The following RBFOX1 variants were observed in gnomAD, a reference collection of about 807,000 sequenced individuals.
The protein encoded by RBFOX1 is RNA binding protein fox-1 homolog 1.
In RBFOX1, 8 loss-of-function variants were observed where a neutral mutation model predicts 57.7. That is an observed-to-expected ratio of 0.14 (90% CI 0.08 to 0.25). RBFOX1 has a LOEUF of 0.25. Ranked by LOEUF, RBFOX1 falls within the 10% of genes least tolerant of loss-of-function variation. The pLI is 1.00. For synonymous variants in RBFOX1, 326 were observed against 222.4 expected, an observed-to-expected ratio of 1.47 and a Z score of -4.15; for missense variants, 611 against 548.5, an observed-to-expected ratio of 1.11 and a Z score of -1.14.
chr16:6,914,258 G>A (rs149739538), intron 3 of RBFOX1, among the ~76,000 whole-genome samples: 432 of 152,252 alleles, frequency 2.8e-3, no homozygotes, highest in Middle Eastern at 0.014. Context: ...ATTGCAGTAC[G>A]AAAGCAAAAG....
At chr16:7,666,673 G>A (rs2145799024) in intron 13 of RBFOX1, among the ~76,000 whole-genome samples, 1 of 152,246 alleles carries the variant, frequency 6.6e-6, no homozygotes, top group Non-Finnish European at 1.5e-5. Context: ...TATCGATTGG[G>A]GCATATCGCT....
intron 4 of RBFOX1, among the ~76,000 whole-genome samples, chr16:5,906,727 C>CA: frequency 1.4e-5 from 1 of 71,484 alleles, no homozygotes; most frequent in African/African-American, 5.4e-5. Context: ...ATCCTAGATT[C>CA]TTTTTTTTTT....
chr16:7,592,102 C>T (rs1046551245), intron 7 of RBFOX1, among the ~76,000 whole-genome samples: 7 of 152,086 alleles, frequency 4.6e-5, no homozygotes, highest in African/African-American at 1.4e-4. Context: ...GTCTGTCTGG[C>T]ATTTTGAGGA....
At chr16:6,150,429 C>T (rs539071974) in intron 1 of RBFOX1, among the ~76,000 whole-genome samples, 2 of 151,952 alleles carry the variant, frequency 1.3e-5, no homozygotes, top group African/African-American at 4.8e-5. Context: ...AGAAGTGGAG[C>T]TCTACTTCTG....
intron 4 of RBFOX1, among the ~76,000 whole-genome samples, chr16:5,969,225 G>T (rs1250423805): frequency 6.7e-6 from 1 of 150,092 alleles, no homozygotes; most frequent in African/African-American, 2.4e-5. Flanking sequence ...TATCTGTAGA[G>T]ATTTTAGTCT....
At chr16:6,435,243 G>T (rs1277266630) in intron 2 of RBFOX1, among the ~76,000 whole-genome samples, 1 of 152,146 alleles carries the variant, frequency 6.6e-6, no homozygotes, top group Non-Finnish European at 1.5e-5. Flanking sequence ...TTGTGTAACA[G>T]ATGTTTTGTG....
chr16:7,348,108 A>G (rs2097053557), intron 4 of RBFOX1, among the ~76,000 whole-genome samples: 1 of 152,246 alleles, frequency 6.6e-6, no homozygotes, highest in Admixed American at 6.5e-5. Context: ...ATTGTTGCTT[A>G]CTTTTCTTAC....
chr16:6,146,287 A>C (rs140161642), intron 1 of RBFOX1, among the ~76,000 whole-genome samples: 1 of 152,158 alleles, frequency 6.6e-6, no homozygotes, highest in East Asian at 1.9e-4. Flanking sequence ...TTTAAAATAC[A>C]CTGAAGAAAA....
At chr16:6,894,744 C>G (rs1323976143) in intron 3 of RBFOX1, among the ~76,000 whole-genome samples, 2 of 152,148 alleles carry the variant, frequency 1.3e-5, no homozygotes, top group African/African-American at 4.8e-5. Context: ...CAGATTGTAT[C>G]AGTTTAGTTC....
chr16:6,923,708 T>G (rs1160576224), intron 3 of RBFOX1, among the ~76,000 whole-genome samples: 1 of 152,088 alleles, frequency 6.6e-6, no homozygotes, highest in East Asian at 1.9e-4. Flanking sequence ...TTCTAGCCTT[T>G]AAAGCAGTAG....
chr16:6,604,459 T>C (rs1269475490), intron 2 of RBFOX1, among the ~76,000 whole-genome samples: 4 of 152,172 alleles, frequency 2.6e-5, no homozygotes, highest in Admixed American at 1.3e-4. Context: ...ATTCTTGTTA[T>C]ATAAGAAAGT....
At chr16:7,150,554 C>T (rs1414363592) in intron 4 of RBFOX1, among the ~76,000 whole-genome samples, 1 of 152,168 alleles carries the variant, frequency 6.6e-6, no homozygotes, top group Non-Finnish European at 1.5e-5. Flanking sequence ...GTGATCAACT[C>T]TTAACAGATA....
intron 4 of RBFOX1, among the ~76,000 whole-genome samples, chr16:7,068,796 C>T (rs1207642569): frequency 6.6e-6 from 1 of 152,132 alleles, no homozygotes; most frequent in Non-Finnish European, 1.5e-5. Flanking sequence ...ACCATGTTGG[C>T]CAGGCTGGTC....
At chr16:6,555,227 A>G (rs1188737131) in intron 2 of RBFOX1, among the ~76,000 whole-genome samples, 7 of 152,194 alleles carry the variant, frequency 4.6e-5, no homozygotes, top group Non-Finnish European at 1.0e-4. Flanking sequence ...CATATCAGGT[A>G]AGATCCAAGT....
intron 4 of RBFOX1, among the ~76,000 whole-genome samples, chr16:7,321,966 C>A (rs1290498108): frequency 2.6e-5 from 4 of 152,212 alleles, no homozygotes; most frequent in African/African-American, 9.6e-5. Context: ...CAGCTTGGCA[C>A]AGCTTGGTTC....
intron 3 of RBFOX1, among the ~76,000 whole-genome samples, chr16:7,024,999 G>C (rs1410960668): frequency 6.6e-6 from 1 of 152,158 alleles, no homozygotes; most frequent in Non-Finnish European, 1.5e-5. Context: ...AACTGTTACA[G>C]GCAAGGGGCT....
chr16:5,661,569 G>A (rs1384683274), intron 3 of RBFOX1, among the ~76,000 whole-genome samples: 1 of 152,194 alleles, frequency 6.6e-6, no homozygotes, highest in African/African-American at 2.4e-5. Flanking sequence ...GACAAAACTT[G>A]TATATGTTTA....
At position 5,312,154 on chromosome 16, in the gene RBFOX1, G is replaced by A. The variant is rs142944211; in HGVS notation, c.219+72049G>A. Among the ~76,000 whole-genome samples the A allele has an allele frequency of 8.6e-4, 131 of 152,260 alleles. 3 individuals carry two copies. The East Asian group carries it at 0.024, about 27-fold the overall frequency. ...GGTAGACTTTACTAACATGGAATGC[G>A]TGTTTGGGACACTCTGGTCATATAT... On this transcript the variant is annotated intron_variant, in intron 1 of 2. Transcript: ENST00000585867.
At chr16:6,429,548 T>A (rs1157088942) in intron 2 of RBFOX1, among the ~76,000 whole-genome samples, 1 of 152,204 alleles carries the variant, frequency 6.6e-6, no homozygotes, top group Non-Finnish European at 1.5e-5. Context: ...TGTCAATGCC[T>A]GCTGATATGG....
Sources: gnomAD v4.1 joint callset for allele counts (sites outside exome capture counted in the v4.1 genomes callset) on GRCh38, gnomAD v4.1.1 for gene constraint, MANE v1.5 for transcripts, NCBI Gene and HGNC (gene_info 2026-07-23, HGNC 2026-07-21) for gene names.